Variants in SAMD12 observed in about 807,000 individuals in gnomAD.
The protein encoded by SAMD12 is sterile alpha motif domain containing 12.
A neutral mutation model predicts 15.0 loss-of-function variants in SAMD12; 9 were observed. That is an observed-to-expected ratio of 0.60 (90% CI 0.36 to 1.05). SAMD12 has a LOEUF of 1.05. SAMD12 is among the 50% of genes least tolerant of loss of function. SAMD12 has a pLI of 0.01. For missense variants in SAMD12, 230 were observed against 234.2 expected, an observed-to-expected ratio of 0.98 and a Z score of 0.12; for synonymous variants, 86 against 90.1, an observed-to-expected ratio of 0.96 and a Z score of 0.25.
intron 2 of SAMD12, among the ~76,000 whole-genome samples, chr8:118,571,203 T>C (rs1387222506): frequency 6.6e-6 from 1 of 152,096 alleles, no homozygotes; most frequent in Non-Finnish European, 1.5e-5. Context: ...TAGAAGTGAC[T>C]TTAGAACTGG....
At chr8:118,423,538 T>A (rs1481766959) in intron 3 of SAMD12, among the ~76,000 whole-genome samples, 3 of 152,184 alleles carry the variant, frequency 2.0e-5, no homozygotes, top group Non-Finnish European at 4.4e-5. Flanking sequence ...GACTTCCCAG[T>A]CAACCAGGCT....
At chr8:118,490,494 G>A (rs10091547) in intron 2 of SAMD12, among the ~76,000 whole-genome samples, 17,299 of 152,128 alleles carry the variant, frequency 0.11, 1,094 homozygotes, top group East Asian at 0.28. Flanking sequence ...ATAAAGCCAG[G>A]ATAGTCTTTA....
chr8:118,468,940 G>T (rs538917219), intron 2 of SAMD12, among the ~76,000 whole-genome samples: 1 of 152,266 alleles, frequency 6.6e-6, no homozygotes. Flanking sequence ...AGAGGCTGCT[G>T]CTTCATCATA....
chr8:118,404,528 G>A (rs922921441), intron 3 of SAMD12, among the ~76,000 whole-genome samples: 5 of 152,158 alleles, frequency 3.3e-5, no homozygotes, highest in Admixed American at 6.5e-5. Context: ...GCCTGAAAAT[G>A]CAGTCATCAT....
chr8:118,424,939 ATTTTT>A (rs10570610), intron 3 of SAMD12, among the ~76,000 whole-genome samples: 1 of 138,596 alleles, frequency 7.2e-6, no homozygotes, highest in Non-Finnish European at 1.6e-5. Context: ...TGGTATATTA[ATTTTT>A]TTTTTTTTTT....
intron 4 of SAMD12, among the ~76,000 whole-genome samples, chr8:118,317,954 A>G (rs929530989): frequency 1.3e-4 from 20 of 152,156 alleles, no homozygotes; most frequent in Admixed American, 6.5e-4. Context: ...AAAAAGTTCG[A>G]CATCACTAAA....
intron 1 of SAMD12, among the ~76,000 whole-genome samples, chr8:118,586,344 C>A (rs201462475): frequency 7.1e-6 from 1 of 139,906 alleles, no homozygotes. Flanking sequence ...CTTTTTCTTT[C>A]TTTTTTTTTT....
chr8:118,232,103 T>C (rs1430305686), intron 4 of SAMD12, among the ~76,000 whole-genome samples: 1 of 152,142 alleles, frequency 6.6e-6, no homozygotes. Flanking sequence ...ATATATCTTT[T>C]TGGTCCCTCT....
At chr8:118,270,272 G>T (rs1252826427) in intron 4 of SAMD12, among the ~76,000 whole-genome samples, 1 of 152,166 alleles carries the variant, frequency 6.6e-6, no homozygotes, top group Non-Finnish European at 1.5e-5. Context: ...AATCTTGGGG[G>T]TGGAAGAGTA....
intron 2 of SAMD12, among the ~76,000 whole-genome samples, chr8:118,530,165 G>T (rs1176123941): frequency 1.3e-5 from 2 of 152,082 alleles, no homozygotes; most frequent in Non-Finnish European, 2.9e-5. Flanking sequence ...TTGGCTGTTT[G>T]TCTTCTTTTG....
chr8:118,218,946 G>C (rs1477517743), intron 4 of SAMD12, among the ~76,000 whole-genome samples: 1 of 152,098 alleles, frequency 6.6e-6, no homozygotes, highest in African/African-American at 2.4e-5. Flanking sequence ...TTTAATAATT[G>C]GGAGATTTAT....
chr8:118,467,388 T>C lies in SAMD12; in HGVS notation c.193-27427A>G, dbSNP rs909052329. Reference sequence around the variant, plus strand: ...ATATAATCCACGTACACTGCTTGGATTGATGCCTCCCACATAGAAAATTTT... The same window carrying C: ...ATATAATCCACGTACACTGCTTGGACTGATGCCTCCCACATAGAAAATTTT... On this transcript the variant is annotated intron_variant, in intron 2 of 3. Coordinates refer to ENST00000314727, the MANE Select transcript of SAMD12 (RefSeq NM_207506.3). Among the ~76,000 whole-genome samples the C allele has an allele frequency of 8.5e-5, 13 of 152,344 alleles. No individual in the cohort carries two copies. In the East Asian group the frequency reaches 1.3e-3, roughly 16 times the overall value.
intron 4 of SAMD12, among the ~76,000 whole-genome samples, chr8:118,324,097 G>T (rs1816447245): frequency 6.6e-6 from 1 of 151,974 alleles, no homozygotes; most frequent in Non-Finnish European, 1.5e-5. Context: ...TTATCTATGT[G>T]CATGTCTATT....
chr8:118,262,596 G>A (rs1259441273), intron 4 of SAMD12, among the ~76,000 whole-genome samples: 1 of 152,124 alleles, frequency 6.6e-6, no homozygotes, highest in African/African-American at 2.4e-5. Context: ...ATGAGGTGGC[G>A]GCACAGACAA....
intron 4 of SAMD12, among the ~76,000 whole-genome samples, chr8:118,326,809 T>C (rs1306762502): frequency 6.6e-6 from 1 of 152,172 alleles, no homozygotes; most frequent in Non-Finnish European, 1.5e-5. Context: ...AAAAAATGCT[T>C]ATTATGGTTA....
At chr8:118,230,377 C>T (rs1008904689) in intron 4 of SAMD12, among the ~76,000 whole-genome samples, 11 of 152,182 alleles carry the variant, frequency 7.2e-5, no homozygotes, top group Admixed American at 3.3e-4. Context: ...GTTTTCTAGA[C>T]TGGCTACACA....
chr8:118,535,407 G>T (rs973035707), intron 2 of SAMD12, among the ~76,000 whole-genome samples: 1 of 152,246 alleles, frequency 6.6e-6, no homozygotes, highest in African/African-American at 2.4e-5. Context: ...GGACCCACTT[G>T]AGGACGCAGT....
intron 3 of SAMD12, among the ~76,000 whole-genome samples, chr8:118,405,906 A>T (rs1182895150): frequency 6.6e-6 from 1 of 152,180 alleles, no homozygotes; most frequent in Non-Finnish European, 1.5e-5. Context: ...TTAACAGTAG[A>T]TGGAAATCAT....
intron 1 of SAMD12, among the ~76,000 whole-genome samples, chr8:118,585,318 G>C (rs1324861831): frequency 6.6e-6 from 1 of 152,084 alleles, no homozygotes. Context: ...GTAAGTTATG[G>C]GTATAGTGTT....
Sources: allele counts gnomAD v4.1 joint callset (sites outside exome capture counted in the v4.1 genomes callset), GRCh38; gene constraint gnomAD v4.1.1; transcripts MANE v1.5; gene names NCBI Gene and HGNC (gene_info 2026-07-23, HGNC 2026-07-21).